Variants in ADGRL3 observed in about 807,000 individuals in gnomAD.
The protein encoded by ADGRL3 is adhesion G protein-coupled receptor L3, also known as calcium-independent alpha-latrotoxin receptor 3.
In ADGRL3, 62 loss-of-function variants were observed where a neutral mutation model predicts 153.5. The observed-to-expected ratio is 0.40, with a 90% CI of 0.33 to 0.50. ADGRL3 has a LOEUF of 0.50. ADGRL3 is among the 20% of genes least tolerant of loss of function. ADGRL3 has a pLI of 0.47. For synonymous variants in ADGRL3, 710 were observed against 672.5 expected (o/e 1.06, Z -0.86); for missense variants, 1,641 against 1,859.4 (o/e 0.88, Z 2.16).
chr4:61,613,668 T>G (rs6835465), intron 5 of ADGRL3, among the ~76,000 whole-genome samples: 1 of 152,110 alleles, frequency 6.6e-6, no homozygotes, highest in Non-Finnish European at 1.5e-5. Flanking sequence ...CTCTTGAACC[T>G]GGGAGGCAGA....
chr4:61,413,758 A>G (rs2097113946), intron 2 of ADGRL3, among the ~76,000 whole-genome samples: 1 of 72,100 alleles, frequency 1.4e-5, no homozygotes, highest in Non-Finnish European at 3.2e-5. Flanking sequence ...ACAACAAACA[A>G]CAAACAAACA....
At chr4:61,802,555 A>G (rs2148449413) in intron 8 of ADGRL3, among the ~76,000 whole-genome samples, 1 of 152,124 alleles carries the variant, frequency 6.6e-6, no homozygotes, top group African/African-American at 2.4e-5. Flanking sequence ...CCTTCTCTCC[A>G]TGAGCACTGC....
intron 8 of ADGRL3, among the ~76,000 whole-genome samples, chr4:61,778,731 C>T (rs759042948): frequency 6.6e-6 from 1 of 152,164 alleles, no homozygotes; most frequent in Non-Finnish European, 1.5e-5. Context: ...AGAAGCACTA[C>T]TGATGGTCAT....
intron 6 of ADGRL3, among the ~76,000 whole-genome samples, chr4:61,704,646 A>G (rs1204938290): frequency 6.6e-6 from 1 of 152,180 alleles, no homozygotes; most frequent in African/African-American, 2.4e-5. Context: ...CCCTTTCACA[A>G]AGAATTCCTC....
At chr4:61,389,887 T>C (rs1405637891) in intron 2 of ADGRL3, among the ~76,000 whole-genome samples, 1 of 152,208 alleles carries the variant, frequency 6.6e-6, no homozygotes, top group East Asian at 1.9e-4. Flanking sequence ...TGCCAGTCAG[T>C]TGAGCAAAGC....
At chr4:61,873,252 T>C (rs2098456028) in intron 9 of ADGRL3, among the ~76,000 whole-genome samples, 1 of 152,152 alleles carries the variant, frequency 6.6e-6, no homozygotes, top group African/African-American at 2.4e-5. Flanking sequence ...GCAGATATAA[T>C]GTAGTAAACA....
At chr4:61,471,677 T>C (rs966455442) in intron 2 of ADGRL3, among the ~76,000 whole-genome samples, 3 of 152,028 alleles carry the variant, frequency 2.0e-5, no homozygotes, top group African/African-American at 7.2e-5. Context: ...TGGAGTGCCA[T>C]ACCCTTTAGA....
chr4:61,621,907 A>C (rs989902192), intron 5 of ADGRL3, among the ~76,000 whole-genome samples: 34 of 152,204 alleles, frequency 2.2e-4, no homozygotes, highest in Non-Finnish European at 7.3e-5. Flanking sequence ...ATTCATGTGA[A>C]GACTAAGGGT....
intron 2 of ADGRL3, among the ~76,000 whole-genome samples, chr4:61,384,488 A>G (rs1050055269): frequency 2.6e-5 from 4 of 151,226 alleles, no homozygotes; most frequent in African/African-American, 9.7e-5. Flanking sequence ...AATAATTTAC[A>G]TACATTTTCT....
Position 61,847,689 on chromosome 4 carries a change from T to C in ADGRL3, c.1480+33800T>C, listed in dbSNP as rs1317583835. On this transcript the variant is annotated intron_variant, in intron 9 of 26. Transcript: ENST00000683033. ...TATAATATAAAATATATTATATATA[T>C]AATATAAAATATATTATATATATAA... Among the ~76,000 whole-genome samples, 8 of 49,374 alleles carry C rather than the reference T, an allele frequency of 1.6e-4. No individual in the cohort carries two copies. In the South Asian group the frequency reaches 3.8e-3, roughly 23 times the overall value. The allele number at this position is 49,374 out of a possible 152,430, so 32.4% of individuals were successfully genotyped here. A position where few individuals can be genotyped will look rare whatever the true frequency, so the allele number is the denominator to read the frequency against.
intron 8 of ADGRL3, among the ~76,000 whole-genome samples, chr4:61,810,502 AAGAG>A (rs1273725843): frequency 6.6e-6 from 1 of 152,162 alleles, no homozygotes; most frequent in Non-Finnish European, 1.5e-5. Context: ...TGACAGTAGA[AAGAG>A]AGAAGAGCCT....
Position 61,841,147 on chromosome 4 carries a change from C to G in ADGRL3, c.1480+27258C>G, listed in dbSNP as rs115861190. ...TTTCTTTCTTCGTCTCTTGCCATCC[C>G]TACTCTACCCTCTCCTCTCTTTCAT... On this transcript the variant is annotated intron_variant, in intron 9 of 26. Transcript: ENST00000683033. 9.0e-3 allele frequency among the ~76,000 whole-genome samples: 1,376 copies of G among 152,242 alleles called. 21 individuals carry two copies. Among genetic ancestry groups the G allele is most frequent in the African/African-American group, 0.03 (1,251 of 41,540 alleles).
chr4:61,300,344 G>T lies in ADGRL3; in HGVS notation c.-239-82780G>T, dbSNP rs550140353. ...TCAGGATTAATATCAAACTGGAATG[G>T]GCCAGTCTAATGAATGCCAAGCTTA... On this transcript the variant is annotated intron_variant, in intron 1 of 26. Transcript: ENST00000683033. Among the ~76,000 whole-genome samples the T allele has an allele frequency of 2.5e-3, 380 of 152,170 alleles. 2 individuals carry two copies. The highest frequency in any genetic ancestry group is 9.0e-3 in the African/African-American group (372 of 41,510).
intron 3 of ADGRL3, 113 bp downstream of exon 3, chr4:61,497,461 G>A (rs553208338): frequency 3.3e-4 from 176 of 537,678 alleles, no homozygotes; most frequent in African/African-American, 3.0e-3. Context: ...CTTATCATAT[G>A]TTAGTATGAG....
intron 9 of ADGRL3, among the ~76,000 whole-genome samples, chr4:61,889,473 G>A (rs937935528): frequency 1.3e-5 from 2 of 152,110 alleles, no homozygotes; most frequent in African/African-American, 2.4e-5. Context: ...TGTTTGAAGG[G>A]CAGACAGAAA....
At chr4:61,486,497 G>C (rs1479732818) in intron 2 of ADGRL3, among the ~76,000 whole-genome samples, 1 of 152,064 alleles carries the variant, frequency 6.6e-6, no homozygotes, top group Non-Finnish European at 1.5e-5. Flanking sequence ...CTCTAAGATA[G>C]TAAAAATCCA....
At chr4:61,338,519 A>G (rs1266866450) in intron 1 of ADGRL3, among the ~76,000 whole-genome samples, 1 of 152,156 alleles carries the variant, frequency 6.6e-6, no homozygotes. Flanking sequence ...AAAGGCTCAG[A>G]GACCATAGTT....
intron 24 of ADGRL3, among the ~76,000 whole-genome samples, chr4:62,041,602 A>G (rs1402131139): frequency 6.6e-6 from 1 of 152,020 alleles, no homozygotes; most frequent in East Asian, 1.9e-4. Flanking sequence ...TCCTCCAGAA[A>G]GGCTCCTAAA....
At chr4:61,857,660 C>CTTCCT (rs1561369660) in intron 9 of ADGRL3, among the ~76,000 whole-genome samples, 8 of 138,534 alleles carry the variant, frequency 5.8e-5, no homozygotes, top group East Asian at 2.2e-4. Context: ...TCCTTCCTTC[C>CTTCCT]TTCTTTCTTC....
Sources: allele counts gnomAD v4.1 joint callset (sites outside exome capture counted in the v4.1 genomes callset), GRCh38; gene constraint gnomAD v4.1.1; transcripts MANE v1.5; gene names NCBI Gene and HGNC (gene_info 2026-07-23, HGNC 2026-07-21).